The following EYS variants were observed in gnomAD, a reference collection of about 807,000 sequenced individuals.
The protein encoded by EYS is protein eyes shut homolog.
In EYS, 250 loss-of-function variants were observed where a neutral mutation model predicts 282.1. That is an observed-to-expected ratio of 0.89 (90% CI 0.80 to 0.98). EYS has a LOEUF of 0.98. Ranked by LOEUF, EYS falls within the 50% of genes least tolerant of loss-of-function variation. EYS has a pLI of 0.00. For synonymous variants in EYS, 1,355 were observed against 1,282.9 expected (o/e 1.06, Z -1.20); for missense variants, 4,016 against 3,709.0 (o/e 1.08, Z -2.15).
intron 24 of EYS, among the ~76,000 whole-genome samples, chr6:64,596,744 G>C (rs1246171861): frequency 6.6e-6 from 1 of 152,052 alleles, no homozygotes; most frequent in Non-Finnish European, 1.5e-5. Context: ...AAGACCCCAA[G>C]CTATAAAACT....
chr6:64,796,236 G>T (rs1774351223), intron 22 of EYS, among the ~76,000 whole-genome samples: 1 of 152,062 alleles, frequency 6.6e-6, no homozygotes, highest in South Asian at 2.1e-4. Flanking sequence ...ACTATCTCTG[G>T]AATCCTTTAG....
chr6:64,716,898 G>A (rs1603245), intron 22 of EYS, among the ~76,000 whole-genome samples: 131,795 of 152,122 alleles, frequency 0.87, 57,683 homozygotes, highest in Middle Eastern at 0.94. Context: ...TACAAAGTGG[G>A]CTTGGAGAAA....
intron 5 of EYS, among the ~76,000 whole-genome samples, chr6:65,406,970 T>G (rs1766772526): frequency 6.6e-6 from 1 of 152,176 alleles, no homozygotes; most frequent in Non-Finnish European, 1.5e-5. Flanking sequence ...TCCTATAAAT[T>G]TTTCTATGAG....
intron 1 of EYS, among the ~76,000 whole-genome samples, chr6:65,694,020 T>C (rs1769342713): frequency 2.0e-5 from 3 of 150,416 alleles, no homozygotes; most frequent in Non-Finnish European, 3.0e-5. Context: ...AAGTAGATAA[T>C]ATCTAAGATC....
chr6:64,571,846 T>C (rs959624124), intron 26 of EYS, among the ~76,000 whole-genome samples: 1 of 151,662 alleles, frequency 6.6e-6, no homozygotes, highest in Non-Finnish European at 1.5e-5. Flanking sequence ...CTACCAGAGG[T>C]TCAAAGAGGA....
intron 36 of EYS, among the ~76,000 whole-genome samples, chr6:63,824,672 C>T (rs993076675): frequency 2.6e-5 from 4 of 152,012 alleles, no homozygotes; most frequent in Admixed American, 6.6e-5. Context: ...GAGAAGTTGC[C>T]GAGTTTACCT....
intron 2 of EYS, among the ~76,000 whole-genome samples, chr6:65,598,247 C>T (rs113332873): frequency 2.4e-5 from 2 of 83,888 alleles, no homozygotes; most frequent in East Asian, 4.5e-4. Context: ...CACCCCCCCC[C>T]CAAAAAAAAA....
chr6:64,955,026 A>G (rs1458979501), intron 14 of EYS, among the ~76,000 whole-genome samples: 1 of 151,974 alleles, frequency 6.6e-6, no homozygotes, highest in Non-Finnish European at 1.5e-5. Flanking sequence ...ATACAAAACA[A>G]AAAATTAGCC....
At chr6:64,086,462 C>T (rs1184436456) in intron 31 of EYS, among the ~76,000 whole-genome samples, 1 of 152,152 alleles carries the variant, frequency 6.6e-6, no homozygotes, top group Admixed American at 6.5e-5. Context: ...AAGCCAGGCC[C>T]TCCATGGTCT....
chr6:64,438,361 A>G (rs572227142), intron 27 of EYS, among the ~76,000 whole-genome samples: 15 of 151,946 alleles, frequency 9.9e-5, no homozygotes, highest in African/African-American at 3.4e-4. Context: ...ATAAAATGAT[A>G]CATTAGCGAT....
At chr6:64,513,369 A>G (rs534170086) in intron 26 of EYS, among the ~76,000 whole-genome samples, 89 of 152,076 alleles carry the variant, frequency 5.9e-4, no homozygotes, top group South Asian at 4.4e-3. Flanking sequence ...GTTTACTTTT[A>G]TACTTTAAAC....
At chr6:64,334,957 T>C (rs1360862025) in intron 29 of EYS, among the ~76,000 whole-genome samples, 1 of 152,074 alleles carries the variant, frequency 6.6e-6, no homozygotes, top group South Asian at 2.1e-4. Context: ...AATGGTTCCC[T>C]GTCTCCTGAC....
At chr6:64,975,247 G>T (rs1261948877) in intron 14 of EYS, among the ~76,000 whole-genome samples, 2 of 151,452 alleles carry the variant, frequency 1.3e-5, no homozygotes, top group Non-Finnish European at 3.0e-5. Flanking sequence ...TTTTGTTTTT[G>T]ACAACACCCG....
At position 63,721,199 on chromosome 6, in the gene EYS, C is replaced by T; in HGVS notation, c.8832G>A (p.Val2944=). The T allele has an allele frequency of 1.3e-6, 2 of 1,551,602 alleles. No individual in the cohort carries two copies. The highest frequency in any genetic ancestry group is 1.7e-6 in the Non-Finnish European group (2 of 1,146,908). The change falls in exon 43 of 43, where the codon GTG becomes GTA. Residue 2944 remains valine, a synonymous_variant. Coordinates refer to ENST00000503581, the MANE Select transcript of EYS (RefSeq NM_001142800.2). ...AAGTTTTGTTTTCACAATACCTTCC[C>T]ACCCAACCCAAAGTACACAGGCAAC... ...SYSCLCTLGW[V]GRYCENKTSF...
chr6:65,370,758 A>G (rs944055702), intron 8 of EYS, among the ~76,000 whole-genome samples: 1 of 151,890 alleles, frequency 6.6e-6, no homozygotes, highest in Non-Finnish European at 1.5e-5. Flanking sequence ...CAGTTTCTAT[A>G]GTCTGCGCAC....
At chr6:64,178,134 A>T (rs191722930) in intron 31 of EYS, among the ~76,000 whole-genome samples, 2 of 152,074 alleles carry the variant, frequency 1.3e-5, no homozygotes, top group East Asian at 3.9e-4. Context: ...CATCTGTTAA[A>T]TTTTTCTGAG....
chr6:64,066,502 A>C lies in EYS; in HGVS notation c.6572-11T>G. The C allele has an allele frequency of 7.0e-7, 1 of 1,437,058 alleles. No individual in the cohort carries two copies. The highest frequency in any genetic ancestry group is 1.3e-5 in the South Asian group (1 of 79,422). 89.0% of individuals were successfully genotyped at this position (1,437,058 alleles called of 1,614,324 possible). On this transcript the variant is annotated splice_polypyrimidine_tract_variant and intron_variant, in intron 32 of 42. Coordinates refer to ENST00000503581, the MANE Select transcript of EYS (RefSeq NM_001142800.2). ...AATTATTCCCATTACCTTTAAGAAA[A>C]AAAGAATATATTAGTAATTATTGTA...
rs1156947216 is a variant in EYS at position 65,440,295 on chromosome 6, A to C, written c.863-34928T>G. ...TCCAAGATGAACAGGAGTGAGAAAC[A>C]TTTGATAGATTCAATACCATATGTC... On this transcript the variant is annotated intron_variant, in intron 5 of 42. Transcript: ENST00000503581. Among the ~76,000 whole-genome samples, 2 of 151,958 alleles carry C rather than the reference A, an allele frequency of 1.3e-5. 1 individual carries two copies. The highest frequency in any genetic ancestry group is 2.9e-5 in the Non-Finnish European group (2 of 67,962).
rs773780169 is a variant in EYS at position 64,591,379 on chromosome 6, A to G, written c.4488T>C (p.Pro1496=). 6.4e-7 allele frequency: 1 copy of G among 1,551,350 alleles called. No homozygotes were observed. Among genetic ancestry groups the G allele is most frequent in the Non-Finnish European group, 8.7e-7 (1 of 1,146,760 alleles). Residue 1496 remains proline, a synonymous_variant, in exon 26 of 43, where the codon CCT becomes CCC. Transcript: ENST00000503581. The part of the protein sequence containing the change: ...LLSPSMSPIF[P]AKVIISKQVT... The stretch of plus-strand genomic sequence containing the variant: ...CCTGTTTAGATATAATTACCTTAGC[A>G]GGAAAAATGGGAGACATCGAGGGGC...
Sources: gnomAD v4.1 joint callset for allele counts (sites outside exome capture counted in the v4.1 genomes callset) on GRCh38, gnomAD v4.1.1 for gene constraint, MANE v1.5 for transcripts, NCBI Gene and HGNC (gene_info 2026-07-23, HGNC 2026-07-21) for gene names.